CYP2J2: variants seen among roughly 807,000 people sequenced by gnomAD.
The protein encoded by CYP2J2 is cytochrome P450 2J2.
CYP2J2 carries 41 observed loss-of-function variants against 48.8 expected under a neutral mutation model. The ratio of observed to expected loss-of-function variants is 0.84; its 90% confidence interval spans 0.66 to 1.09. The LOEUF (loss-of-function observed/expected upper bound fraction) is 1.09. Ranked by LOEUF, CYP2J2 falls within the 50% of genes least tolerant of loss-of-function variation. The pLI is 0.00. For synonymous variants in CYP2J2, 221 were observed against 227.1 expected (o/e 0.97, Z 0.24); for missense variants, 644 against 617.3 (o/e 1.04, Z -0.46).
At chr1:59,922,075 T>C (rs1644521873) in intron 1 of CYP2J2, among the ~76,000 whole-genome samples, 1 of 152,204 alleles carries the variant, frequency 6.6e-6, no homozygotes, top group African/African-American at 2.4e-5. Flanking sequence ...GTGACCCCCC[T>C]GGACCCAGCT....
intron 2 of CYP2J2, chr1:59,912,993 T>C (rs1411321565): frequency 6.6e-6 from 1 of 152,214 alleles, no homozygotes; most frequent in African/African-American, 2.4e-5. Flanking sequence ...GGTAATGCCA[T>C]ACTCCTTTCA....
chr1:59,945,340 A>G, the CYP2J2 span, among the ~76,000 whole-genome samples: 2 of 151,882 alleles, frequency 1.3e-5, no homozygotes, highest in Non-Finnish European at 2.9e-5. Context: ...TAACTAATCT[A>G]TCTTCTTCCT....
Position 59,893,696 on chromosome 1 carries a change from G to T in CYP2J2, c.1464C>A (p.Thr488=). The part of the protein sequence containing the change: ...KLSLKFRMGI[T]ISPVSHRLCA... ...AGAGGCGGTGACTGACTGGGGAAAT[G>T]GTGATACCCATTCTAAACTTCAGGC... Residue 488 remains threonine (T), a synonymous_variant, in exon 9 of 9, where the codon ACC becomes ACA. Coordinates refer to ENST00000371204, the MANE Select transcript of CYP2J2 (RefSeq NM_000775.4). 1 of 1,613,358 alleles carries T rather than the reference G, an allele frequency of 6.2e-7. No individual in the cohort carries two copies. Among genetic ancestry groups the T allele is most frequent in the African/African-American group, 1.3e-5 (1 of 75,034 alleles).
chr1:59,952,187 C>T, the CYP2J2 span, among the ~76,000 whole-genome samples: 13 of 152,088 alleles, frequency 8.5e-5, no homozygotes, highest in African/African-American at 2.9e-4. Flanking sequence ...GGGCAGGCTT[C>T]ATCAGAAGGG....
Position 59,900,986 on chromosome 1 carries a change from C to T in CYP2J2, c.1309G>A (p.Ala437Thr), listed in dbSNP as rs1644314137. 1 of 1,614,160 alleles carries T rather than the reference C, an allele frequency of 6.2e-7. No individual in the cohort carries two copies. Among genetic ancestry groups the T allele is most frequent in the South Asian group, 1.1e-5 (1 of 91,076 alleles). Reference sequence around the variant, plus strand: ...TTACCTATTGAGAAAGGCATAAAGGCTTCCCTTTTCTTAAACTGTCCATTC... The same window carrying T: ...TTACCTATTGAGAAAGGCATAAAGGTTTCCCTTTTCTTAAACTGTCCATTC... The part of the protein sequence containing the change: ...LENGQFKKRE[A>T]FMPFSIGKRA... The change falls in exon 8 of 9, where the codon GCC (alanine) becomes ACC (threonine). Residue 437 changes from alanine to threonine, a missense_variant. Transcript: ENST00000371204.
chr1:59,919,082 C>G (rs1448189858), intron 1 of CYP2J2, among the ~76,000 whole-genome samples: 2 of 152,172 alleles, frequency 1.3e-5, no homozygotes, highest in Admixed American at 6.5e-5. Flanking sequence ...CTAATTCACA[C>G]TCCTACCAGC....
upstream of CYP2J2, among the ~76,000 whole-genome samples, chr1:59,927,069 A>G (rs1318395763): frequency 6.6e-6 from 1 of 152,210 alleles, no homozygotes; most frequent in East Asian, 1.9e-4. Context: ...CAACAGCAGT[A>G]CCTAACATTT....
chr1:59,943,683 T>C, the CYP2J2 span, among the ~76,000 whole-genome samples: 1 of 151,952 alleles, frequency 6.6e-6, no homozygotes, highest in Admixed American at 6.5e-5. Context: ...AGCAGTTTTT[T>C]TTTTTTCCCC....
intron 5 of CYP2J2, among the ~76,000 whole-genome samples, chr1:59,908,249 C>T (rs1644381966): frequency 6.6e-6 from 1 of 152,198 alleles, no homozygotes; most frequent in East Asian, 1.9e-4. Flanking sequence ...ATATTAACCA[C>T]TTCAATTAGC....
chr1:59,969,161 A>C, the CYP2J2 span, among the ~76,000 whole-genome samples: 5 of 152,212 alleles, frequency 3.3e-5, no homozygotes, highest in Non-Finnish European at 7.3e-5. Flanking sequence ...GATTTATTGC[A>C]AACAGAGAAA....
At chr1:59,931,941 T>C in the CYP2J2 span, among the ~76,000 whole-genome samples, 11,336 of 152,220 alleles carry the variant, frequency 0.074, 438 homozygotes, top group African/African-American at 0.11. Flanking sequence ...TTCCACAACA[T>C]AGATACATTG....
intron 2 of CYP2J2, chr1:59,912,748 A>C (rs1214577445): frequency 6.0e-6 from 1 of 165,394 alleles, no homozygotes; most frequent in Non-Finnish European, 1.3e-5. Context: ...TTAAGTATTT[A>C]TGTTATGCTA....
At chr1:59,966,046 G>T in the CYP2J2 span, among the ~76,000 whole-genome samples, 3 of 152,166 alleles carry the variant, frequency 2.0e-5, no homozygotes, top group African/African-American at 4.8e-5. Flanking sequence ...TGTCCTTAGT[G>T]TGTGGCAGGG....
the CYP2J2 span, among the ~76,000 whole-genome samples, chr1:59,931,812 T>TA: frequency 2.0e-5 from 3 of 152,236 alleles, no homozygotes; most frequent in Admixed American, 6.5e-5. Flanking sequence ...AAATTTGAGA[T>TA]AAAAAAGTAA....
chr1:59,947,429 T>G, the CYP2J2 span, among the ~76,000 whole-genome samples: 1 of 151,866 alleles, frequency 6.6e-6, no homozygotes, highest in South Asian at 2.1e-4. Context: ...CACCCAAGAG[T>G]GCAGTTAATT....
chr1:59,926,448 C>T, intron 1 of CYP2J2, 89 bp downstream of exon 1: 2 of 1,137,844 alleles, frequency 1.8e-6, no homozygotes, highest in South Asian at 1.3e-5. Flanking sequence ...GCCCTTCATC[C>T]CCCACCCCAC....
chr1:59,910,172 C>T (rs111602952), intron 4 of CYP2J2, among the ~76,000 whole-genome samples: 12 of 152,034 alleles, frequency 7.9e-5, no homozygotes, highest in African/African-American at 1.9e-4. Context: ...TTCTCACCAC[C>T]GCAACAGCTT....
chr1:59,919,908 G>A (rs1234665394), intron 1 of CYP2J2, among the ~76,000 whole-genome samples: 1 of 152,022 alleles, frequency 6.6e-6, no homozygotes, highest in Non-Finnish European at 1.5e-5. Flanking sequence ...GCACCTTCTG[G>A]CACTGGCATA....
At chr1:59,950,490 G>A in the CYP2J2 span, among the ~76,000 whole-genome samples, 1 of 152,296 alleles carries the variant, frequency 6.6e-6, no homozygotes, top group Non-Finnish European at 1.5e-5. Flanking sequence ...GGATGGGTAA[G>A]TTCTTTACAC....
Sources: allele counts gnomAD v4.1 joint callset (sites outside exome capture counted in the v4.1 genomes callset), GRCh38; gene constraint gnomAD v4.1.1; transcripts MANE v1.5; gene names NCBI Gene and HGNC (gene_info 2026-07-23, HGNC 2026-07-21).